The following RAPGEF4 variants were observed in gnomAD, a reference collection of about 807,000 sequenced individuals.
RAPGEF4 encodes the protein RAP guanine-nucleotide-exchange factor (GEF) 4.
A neutral mutation model predicts 147.9 loss-of-function variants in RAPGEF4; 66 were observed. The observed-to-expected ratio is 0.45, with a 90% CI of 0.37 to 0.55. The LOEUF (loss-of-function observed/expected upper bound fraction) is 0.55. Among genes scored for constraint, RAPGEF4 ranks in the 20% least tolerant of loss-of-function variants. The probability of loss-of-function intolerance (pLI) is 0.00; values close to 1 mark genes in which losing one functional copy is unlikely to be tolerated. For missense variants in RAPGEF4, 1,071 were observed against 1,257.3 expected, an observed-to-expected ratio of 0.85 and a Z score of 2.24; for synonymous variants, 419 against 442.7, an observed-to-expected ratio of 0.95 and a Z score of 0.67.
intron 23 of RAPGEF4, among the ~76,000 whole-genome samples, chr2:173,022,441 C>G: frequency 6.6e-6 from 1 of 151,928 alleles, no homozygotes; most frequent in Admixed American, 6.6e-5. Flanking sequence ...AGTGGCCAAA[C>G]CTTACCTGCC....
intron 15 of RAPGEF4, among the ~76,000 whole-genome samples, chr2:172,995,245 TTGTGTGTGTGTGTGTGTGTGTGTGTG>T (rs71018528): frequency 7.2e-5 from 10 of 138,590 alleles, no homozygotes; most frequent in Admixed American, 5.7e-4. Context: ...ACTTGCCTGT[TTGTGTGTGTGTGTGTGTGTGTGTGTG>T]TGTGTGTGTG....
intron 29 of RAPGEF4, chr2:173,036,930 G>A (rs1001016040): frequency 1.0e-5 from 4 of 399,792 alleles, no homozygotes; most frequent in Admixed American, 4.1e-5. Context: ...TATGCCGTGT[G>A]TTTCTTCCTT....
intron 4 of RAPGEF4, 97 bp from the exon 5 acceptor site, chr2:172,917,705 T>C: frequency 9.5e-7 from 1 of 1,054,646 alleles, no homozygotes; most frequent in Non-Finnish European, 1.5e-6. Context: ...CTCAGATGCT[T>C]CCTGACACCC....
At chr2:173,007,274 C>A (rs1234793565) in intron 17 of RAPGEF4, among the ~76,000 whole-genome samples, 1 of 152,146 alleles carries the variant, frequency 6.6e-6, no homozygotes, top group Non-Finnish European at 1.5e-5. Context: ...CTAGAGACTT[C>A]TAAAAACACA....
At position 173,012,623 on chromosome 2, in the gene RAPGEF4, T is replaced by C. The variant is rs189763208; in HGVS notation, c.1659-1841T>C. ...CTTGCCTTAGCGTTATTAAATGCGG[T>C]AGCTGAAAGAGAATTTGGAAATGAT... On this transcript the variant is annotated intron_variant, in intron 17 of 30. Transcript: ENST00000397081. Among the ~76,000 whole-genome samples the C allele has an allele frequency of 3.3e-5, 5 of 152,360 alleles. No homozygotes were observed. In the East Asian group the frequency reaches 9.6e-4, roughly 29 times the overall value.
intron 16 of RAPGEF4, among the ~76,000 whole-genome samples, chr2:172,997,963 A>G (rs1010124074): frequency 2.6e-5 from 4 of 152,216 alleles, no homozygotes; most frequent in Non-Finnish European, 5.9e-5. Flanking sequence ...GGTATAGTAG[A>G]TATAATCGTC....
intron 2 of RAPGEF4, among the ~76,000 whole-genome samples, chr2:172,795,374 G>A (rs1686262443): frequency 6.6e-6 from 1 of 152,172 alleles, no homozygotes; most frequent in Admixed American, 6.5e-5. Flanking sequence ...AACGTAAATG[G>A]TTCTTCCAAG....
At chr2:172,791,882 T>C (rs959509875) in intron 1 of RAPGEF4, among the ~76,000 whole-genome samples, 1 of 152,220 alleles carries the variant, frequency 6.6e-6, no homozygotes, top group Admixed American at 6.5e-5. Flanking sequence ...TAGTCTACAC[T>C]CCTAATGTGG....
chr2:172,790,795 C>T (rs1220779160), intron 1 of RAPGEF4, among the ~76,000 whole-genome samples: 1 of 152,134 alleles, frequency 6.6e-6, no homozygotes, highest in South Asian at 2.1e-4. Flanking sequence ...GAGAGAGTGG[C>T]GTAAGGATTA....
chr2:172,826,124 GTGGAAGGCTC>G (rs1185809476), intron 4 of RAPGEF4, among the ~76,000 whole-genome samples: 1 of 152,218 alleles, frequency 6.6e-6, no homozygotes, highest in Non-Finnish European at 1.5e-5. Context: ...CGATTTGACT[GTGGAAGGCTC>G]TGGTCCCTTG....
At chr2:172,893,622 G>C (rs1427251173) in intron 4 of RAPGEF4, 1 of 152,108 alleles carries the variant, frequency 6.6e-6, no homozygotes, top group South Asian at 2.1e-4. Context: ...AGAGCCTCAG[G>C]TGTACAAGAT....
chr2:173,044,913 C>A (rs529569201), intron 29 of RAPGEF4, among the ~76,000 whole-genome samples: 1 of 152,154 alleles, frequency 6.6e-6, no homozygotes, highest in African/African-American at 2.4e-5. Context: ...ATCAGACACT[C>A]CCCCACTCCG....
rs527780056 is a variant in RAPGEF4, at chr2:172,851,410, C to G, written c.444+36985C>G. The stretch of plus-strand genomic sequence containing the variant: ...CGTGCAGATGAGAAGAATGTAAGTT[C>G]TGTTGTTTTGGGGTGGAGAGTTCTG... On this transcript the variant is annotated intron_variant, in intron 4 of 30. Transcript: ENST00000397081. Among the ~76,000 whole-genome samples the G allele has an allele frequency of 2.6e-5, 4 of 152,192 alleles. No homozygotes were observed. The East Asian group carries it at 5.8e-4, about 22-fold the overall frequency.
chr2:173,016,509 AG>A, intron 19 of RAPGEF4, 72 bp downstream of exon 19: 1 of 1,292,342 alleles, frequency 7.7e-7, no homozygotes, highest in South Asian at 1.2e-5. Flanking sequence ...CCCACAAGAA[AG>A]GTTAAAGCTG....
At chr2:172,781,310 A>G (rs1470017448) in intron 1 of RAPGEF4, among the ~76,000 whole-genome samples, 1 of 152,136 alleles carries the variant, frequency 6.6e-6, no homozygotes, top group African/African-American at 2.4e-5. Context: ...AGAAACAGAC[A>G]CTTCAGTCAG....
rs757560905 is a variant in RAPGEF4 at position 172,922,297 on chromosome 2, G to A, written c.534G>A (p.Glu178=). 29 of 1,606,602 alleles carry A rather than the reference G, an allele frequency of 1.8e-5. No individual in the cohort carries two copies. Among genetic ancestry groups the A allele is most frequent in the Middle Eastern group, 1.6e-4 (1 of 6,064 alleles). The change falls in exon 6 of 31, where the codon GAG becomes GAA. Residue 178 remains glutamate (E), a synonymous_variant. Coordinates refer to ENST00000397081, the MANE Select transcript of RAPGEF4 (RefSeq NM_007023.4). ...CTCCTTTAGGGATTCCTGACAAGGA[G>A]AACGTGAGTAGCTACTCTCTCTGCC... is the stretch of plus-strand genomic sequence containing the variant. ...GSNNDRIPDK[E]NTPLIEPHVP...
At chr2:172,995,585 T>C (rs12693016) in intron 15 of RAPGEF4, among the ~76,000 whole-genome samples, 84,216 of 151,916 alleles carry the variant, frequency 0.55, 24,479 homozygotes, top group East Asian at 0.89. Context: ...TGGCCCCTAC[T>C]TGCCTGTTAT....
chr2:172,772,274 T>A (rs181286843), intron 1 of RAPGEF4, among the ~76,000 whole-genome samples: 2 of 152,186 alleles, frequency 1.3e-5, no homozygotes, highest in Admixed American at 1.3e-4. Flanking sequence ...AAAATGAATG[T>A]AGTTAAAACA....
intron 8 of RAPGEF4, among the ~76,000 whole-genome samples, chr2:172,962,378 A>G (rs1480121266): frequency 1.3e-5 from 2 of 152,150 alleles, no homozygotes; most frequent in South Asian, 2.1e-4. Context: ...CAAAGTTACC[A>G]TGAAGGATGC....
Sources: gnomAD v4.1 joint callset for allele counts (sites outside exome capture counted in the v4.1 genomes callset) on GRCh38, gnomAD v4.1.1 for gene constraint, MANE v1.5 for transcripts, NCBI Gene and HGNC (gene_info 2026-07-23, HGNC 2026-07-21) for gene names.